Variants in KCNH8 observed in about 807,000 individuals in gnomAD.
KCNH8 encodes the protein potassium voltage-gated channel subfamily H member 8, also known as voltage-gated delayed rectifier potassium channel KCNH8.
KCNH8 carries 70 observed loss-of-function variants against 103.6 expected under a neutral mutation model. The ratio of observed to expected loss-of-function variants is 0.68; its 90% CI spans 0.56 to 0.82. The LOEUF (loss-of-function observed/expected upper bound fraction) is 0.82, where lower values mean the gene tolerates loss of function less well. Ranked by LOEUF, KCNH8 falls within the 40% of genes least tolerant of loss-of-function variation. KCNH8 has a pLI of 0.00. For missense variants in KCNH8, 1,217 were observed against 1,329.9 expected, an observed-to-expected ratio of 0.92 and a Z score of 1.32; for synonymous variants, 498 against 489.4, an observed-to-expected ratio of 1.02 and a Z score of -0.23.
chr3:19,530,805 T>G (rs750747387), intron 15 of KCNH8, among the ~76,000 whole-genome samples: 4 of 152,224 alleles, frequency 2.6e-5, no homozygotes, highest in African/African-American at 4.8e-5. Context: ...TAATATTCTA[T>G]AGCAGAATGA....
At chr3:19,226,459 A>G (rs574246753) in intron 1 of KCNH8, among the ~76,000 whole-genome samples, 6 of 152,322 alleles carry the variant, frequency 3.9e-5, no homozygotes, top group African/African-American at 1.4e-4. Flanking sequence ...TGTGGTTTCT[A>G]TAATCCTTGT....
intron 5 of KCNH8, among the ~76,000 whole-genome samples, chr3:19,367,330 T>C (rs907670386): frequency 6.7e-6 from 1 of 150,238 alleles, no homozygotes; most frequent in African/African-American, 2.4e-5. Flanking sequence ...ACTATTTAAC[T>C]TATTTCCTTC....
intron 11 of KCNH8, among the ~76,000 whole-genome samples, chr3:19,472,123 TC>T (rs2067871523): frequency 1.3e-5 from 2 of 152,088 alleles, no homozygotes; most frequent in Non-Finnish European, 2.9e-5. Context: ...TTTTTGCAAT[TC>T]TTTTTTTAAT....
intron 11 of KCNH8, among the ~76,000 whole-genome samples, chr3:19,493,479 T>C (rs1216144496): frequency 1.3e-5 from 2 of 152,122 alleles, no homozygotes; most frequent in Non-Finnish European, 2.9e-5. Flanking sequence ...CACTTGCTTC[T>C]CTCTCATCCC....
intron 11 of KCNH8, among the ~76,000 whole-genome samples, chr3:19,491,963 T>G (rs565572398): frequency 4.9e-4 from 74 of 152,298 alleles, no homozygotes; most frequent in Admixed American, 1.8e-3. Context: ...TGGCCACTTG[T>G]GTGTCTTCTT....
At chr3:19,294,607 C>A (rs1292292097) in intron 3 of KCNH8, among the ~76,000 whole-genome samples, 1 of 152,168 alleles carries the variant, frequency 6.6e-6, no homozygotes, top group Non-Finnish European at 1.5e-5. Context: ...TTAAGCACAT[C>A]TATATTTTAT....
rs540083226 is a variant in KCNH8 at position 19,208,841 on chromosome 3, C to T, written c.77-44813C>T. Among the ~76,000 whole-genome samples the T allele has an allele frequency of 1.1e-4, 16 of 151,856 alleles. No individual in the cohort carries two copies. In the South Asian group the frequency reaches 2.1e-3, roughly 20 times the overall value. Reference sequence around the variant, plus strand: ...TTTTCCTCTTTATGGGTAGAAAAGACGGGAAAACGGGGGTTGAATTTGCCT... The same window carrying T: ...TTTTCCTCTTTATGGGTAGAAAAGATGGGAAAACGGGGGTTGAATTTGCCT... On this transcript the variant is annotated intron_variant, in intron 1 of 15. Transcript: ENST00000328405.
rs189391526 is a variant in KCNH8, at chr3:19,209,644, C to T, written c.77-44010C>T. Among the ~76,000 whole-genome samples, 15 of 152,180 alleles carry T rather than the reference C, an allele frequency of 9.9e-5. 1 individual carries two copies. Among genetic ancestry groups the T allele is most frequent in the Admixed American group, 9.2e-4 (14 of 15,256 alleles). ...TAAGCAAATGATTGTGCCTTCACATCTGCTATGAATACACAGCACAGCTCC... is the reference window on the plus strand; with the variant it reads ...TAAGCAAATGATTGTGCCTTCACATTTGCTATGAATACACAGCACAGCTCC... On this transcript the variant is annotated intron_variant, in intron 1 of 15. Coordinates refer to ENST00000328405, the MANE Select transcript of KCNH8 (RefSeq NM_144633.3).
At chr3:19,181,960 G>A (rs765878561) in intron 1 of KCNH8, among the ~76,000 whole-genome samples, 9 of 152,068 alleles carry the variant, frequency 5.9e-5, no homozygotes, top group East Asian at 1.9e-4. Flanking sequence ...AGTGTTGTGC[G>A]TGACATTTGT....
At chr3:19,364,600 A>G (rs2065987512) in intron 5 of KCNH8, among the ~76,000 whole-genome samples, 1 of 152,094 alleles carries the variant, frequency 6.6e-6, no homozygotes. Context: ...AGAAAACTAC[A>G]CTACCACTTC....
intron 1 of KCNH8, among the ~76,000 whole-genome samples, chr3:19,187,139 G>C (rs1189943094): frequency 1.3e-5 from 2 of 151,710 alleles, no homozygotes; most frequent in Admixed American, 1.3e-4. Context: ...ACTAGTCCCT[G>C]CTGTGAACCA....
chr3:19,316,908 A>G (rs1347472090), intron 3 of KCNH8, among the ~76,000 whole-genome samples: 2 of 151,908 alleles, frequency 1.3e-5, no homozygotes, highest in African/African-American at 4.8e-5. Context: ...GGATAAATAG[A>G]TGCTTTGAAA....
At chr3:19,331,821 C>G (rs939405236) in intron 3 of KCNH8, among the ~76,000 whole-genome samples, 2 of 152,102 alleles carry the variant, frequency 1.3e-5, no homozygotes, top group African/African-American at 2.4e-5. Flanking sequence ...GTTGTGCTAT[C>G]AAATACTGGC....
At chr3:19,286,001 G>A (rs78434290) in intron 3 of KCNH8, among the ~76,000 whole-genome samples, 3,575 of 152,292 alleles carry the variant, frequency 0.023, 104 homozygotes, top group East Asian at 0.084. Flanking sequence ...GAGTAAGACT[G>A]AAAGGAAAGA....
chr3:19,278,999 A>C (rs1184726210), intron 2 of KCNH8, among the ~76,000 whole-genome samples: 1 of 152,180 alleles, frequency 6.6e-6, no homozygotes, highest in Non-Finnish European at 1.5e-5. Flanking sequence ...TTTTCAGGAA[A>C]ATTAATAGCC....
At chr3:19,429,205 G>A (rs568382088) in intron 7 of KCNH8, among the ~76,000 whole-genome samples, 8 of 118,434 alleles carry the variant, frequency 6.8e-5, no homozygotes, top group Admixed American at 3.6e-4. Context: ...AAGAGTCCTC[G>A]CTCTGTCACC....
rs1158834715 is a variant in KCNH8 at position 19,258,941 on chromosome 3, CTCTCTCTATA to C, written c.310+5056_310+5065del. On this transcript the variant is annotated intron_variant, in intron 2 of 15. Coordinates refer to ENST00000328405, the MANE Select transcript of KCNH8 (RefSeq NM_144633.3). ...TCTCTCTCTCTCTCTCTCTCTCTCT[CTCTCTCTATA>C]TATATATATATATATATATATATAT... is the stretch of plus-strand genomic sequence containing the variant. 6.8e-3 allele frequency among the ~76,000 whole-genome samples: 441 copies of C among 64,404 alleles called. 1 individual carries two copies. The highest frequency in any genetic ancestry group is 0.016 in the African/African-American group (249 of 15,220). 42.3% of individuals were successfully genotyped at this position (64,404 alleles called of 152,430 possible). A position where few individuals can be genotyped will look rare whatever the true frequency, so the allele number is the denominator to read the frequency against.
chr3:19,236,902 G>A lies in KCNH8; in HGVS notation c.77-16752G>A, dbSNP rs571261956. The stretch of plus-strand genomic sequence containing the variant: ...ATGCCATTGTCAAAAACATCAGTTG[G>A]TTTAAAAACCCAGTTGAACTTGACT... On this transcript the variant is annotated intron_variant, in intron 1 of 15. Coordinates refer to ENST00000328405, the MANE Select transcript of KCNH8 (RefSeq NM_144633.3). Among the ~76,000 whole-genome samples, 14 of 152,288 alleles carry A rather than the reference G, an allele frequency of 9.2e-5. No homozygotes were observed. The East Asian group carries it at 2.7e-3, about 29-fold the overall frequency.
chr3:19,475,162 C>A (rs925727171), intron 11 of KCNH8, among the ~76,000 whole-genome samples: 1 of 152,142 alleles, frequency 6.6e-6, no homozygotes, highest in African/African-American at 2.4e-5. Flanking sequence ...ATTGAGGCAT[C>A]ATCCTTCCAA....
Sources: gnomAD v4.1 joint callset for allele counts (sites outside exome capture counted in the v4.1 genomes callset) on GRCh38, gnomAD v4.1.1 for gene constraint, MANE v1.5 for transcripts, NCBI Gene and HGNC (gene_info 2026-07-23, HGNC 2026-07-21) for gene names.